MSI2: variants seen among roughly 807,000 people sequenced by gnomAD.
The protein encoded by MSI2 is musashi RNA binding protein 2, also known as RNA-binding protein Musashi homolog 2.
A neutral mutation model predicts 45.6 loss-of-function variants in MSI2; 17 were observed. The observed-to-expected ratio is 0.37, with a 90% CI of 0.26 to 0.56. MSI2 has a LOEUF of 0.56. Among genes scored for constraint, MSI2 ranks in the 20% least tolerant of loss-of-function variants. The pLI is 0.77. For missense variants in MSI2, 293 were observed against 444.2 expected, an observed-to-expected ratio of 0.66 and a Z score of 3.06; for synonymous variants, 156 against 158.2, an observed-to-expected ratio of 0.99 and a Z score of 0.11.
At chr17:57,392,353 G>A (rs1324484825) in intron 5 of MSI2, among the ~76,000 whole-genome samples, 1 of 152,178 alleles carries the variant, frequency 6.6e-6, no homozygotes, top group Non-Finnish European at 1.5e-5. Flanking sequence ...CTGAGATGAG[G>A]GTGGGGAGCT....
chr17:57,593,786 G>A (rs751353920), intron 7 of MSI2, among the ~76,000 whole-genome samples: 10 of 152,172 alleles, frequency 6.6e-5, no homozygotes, highest in African/African-American at 2.2e-4. Context: ...GTGCCTGGGC[G>A]TGGGGGCTGG....
In MSI2 at chr17:57,423,347, G is replaced by A. The variant is rs577908288; in HGVS notation, c.405+21876G>A. Among the ~76,000 whole-genome samples the A allele has an allele frequency of 9.4e-4, 143 of 152,318 alleles. 1 individual carries two copies. Among genetic ancestry groups the A allele is most frequent in the African/African-American group, 3.3e-3 (136 of 41,558 alleles). On this transcript the variant is annotated intron_variant, in intron 6 of 13. Transcript: ENST00000284073. ...CCACACACAGTAATAGAAGAAGCCC[G>A]ACAGAAATGTAAAGACCTGCTAATT...
intron 11 of MSI2, among the ~76,000 whole-genome samples, chr17:57,674,467 C>G (rs1008972289): frequency 6.6e-6 from 1 of 151,838 alleles, no homozygotes; most frequent in Non-Finnish European, 1.5e-5. Flanking sequence ...TGTTTCCTGT[C>G]ACGTTTTAAT....
At chr17:57,673,984 T>A (rs926113233) in intron 11 of MSI2, among the ~76,000 whole-genome samples, 11 of 151,408 alleles carry the variant, frequency 7.3e-5, no homozygotes, top group African/African-American at 2.7e-4. Flanking sequence ...AAAGTTTAAA[T>A]CCCCCCTTTC....
chr17:57,588,509 C>T (rs1904524668), intron 7 of MSI2, among the ~76,000 whole-genome samples: 1 of 152,230 alleles, frequency 6.6e-6, no homozygotes, highest in Non-Finnish European at 1.5e-5. Context: ...CTGCTGTGCT[C>T]ATCCTGGTTA....
intron 5 of MSI2, among the ~76,000 whole-genome samples, chr17:57,390,845 G>C (rs4794727): frequency 0.99 from 150,197 of 152,296 alleles, 74,096 homozygotes; most frequent in Middle Eastern, 1. Context: ...CTTAAGTTGT[G>C]GTGTATCCGA....
chr17:57,291,260 A>ATATGTTTCTTTTTCTTTCC (rs1910394965), intron 5 of MSI2, among the ~76,000 whole-genome samples: 1 of 152,182 alleles, frequency 6.6e-6, no homozygotes, highest in South Asian at 2.1e-4. Flanking sequence ...AGATTCGCTT[A>ATATGTTTCTTTTTCTTTCC]TATGTTTCTT....
At chr17:57,633,543 CTG>C (rs1447488019) in intron 10 of MSI2, among the ~76,000 whole-genome samples, 1 of 152,230 alleles carries the variant, frequency 6.6e-6, no homozygotes, top group African/African-American at 2.4e-5. Flanking sequence ...GCCCACGGGC[CTG>C]TGTGTGGTTG....
chr17:57,433,210 G>C (rs2084630590), intron 6 of MSI2, among the ~76,000 whole-genome samples: 1 of 152,226 alleles, frequency 6.6e-6, no homozygotes, highest in Admixed American at 6.5e-5. Flanking sequence ...GGTGTACTGG[G>C]TTGAATGGTG....
rs1283820553 is a variant in MSI2, at chr17:57,596,436, A to G, written c.455-432A>G. Among the ~76,000 whole-genome samples, 1 of 152,236 alleles carries G rather than the reference A, an allele frequency of 6.6e-6. No homozygotes were observed. The highest frequency in any genetic ancestry group is 6.5e-5 in the Admixed American group (1 of 15,290). ...GGAAGTAATTCAGGAAGAAAAGGACAAATAACCACCTCCGTCTGGAGGCCG... is the reference window on the plus strand; with the variant it reads ...GGAAGTAATTCAGGAAGAAAAGGACGAATAACCACCTCCGTCTGGAGGCCG... On this transcript the variant is annotated intron_variant, in intron 7 of 13. Coordinates refer to ENST00000284073, the MANE Select transcript of MSI2 (RefSeq NM_138962.4). This position sits in a 1 kb window ranked among gnomAD's most constrained non-coding sequence, Gnocchi z 4.6.
At chr17:57,606,897 G>A (rs147831799) in intron 8 of MSI2, among the ~76,000 whole-genome samples, 18 of 150,776 alleles carry the variant, frequency 1.2e-4, no homozygotes, top group Admixed American at 7.3e-4. Context: ...TGGGGTGATG[G>A]GGGGGGGTGG....
chr17:57,519,003 G>A (rs2086528479), intron 6 of MSI2, among the ~76,000 whole-genome samples: 1 of 152,108 alleles, frequency 6.6e-6, no homozygotes, highest in Admixed American at 6.5e-5. Context: ...CCCAGTGACA[G>A]CCTGCTGCCC....
Position 57,283,779 on chromosome 17 carries a change from C to T in MSI2, c.312+21587C>T, listed in dbSNP as rs368323444. Among the ~76,000 whole-genome samples the T allele has an allele frequency of 5.3e-5, 8 of 152,334 alleles. No homozygotes were observed. In the East Asian group the frequency reaches 5.8e-4, roughly 11 times the overall value. On this transcript the variant is annotated intron_variant, in intron 5 of 13. Transcript: ENST00000284073. ...GTTAAAGGAGGCAGAAGACCACACG[C>T]GCACGCGCACTCCCGGAAGCGTGGT...
chr17:57,286,059 TG>T (rs1355357213), intron 5 of MSI2: 14 of 1,287,316 alleles, frequency 1.1e-5, no homozygotes, highest in Non-Finnish European at 1.5e-5. Flanking sequence ...AGCCTCTTTC[TG>T]TCTTTCCCTC....
chr17:57,555,683 C>G (rs1212458844), intron 7 of MSI2, among the ~76,000 whole-genome samples: 1 of 152,178 alleles, frequency 6.6e-6, no homozygotes, highest in African/African-American at 2.4e-5. Flanking sequence ...TGCAGGAGAC[C>G]ATATTCTGTT....
intron 7 of MSI2, among the ~76,000 whole-genome samples, chr17:57,577,044 C>G (rs1214878923): frequency 1.3e-5 from 2 of 152,032 alleles, no homozygotes. Context: ...CAGAGGAGGT[C>G]GTCTGATGGG....
intron 6 of MSI2, among the ~76,000 whole-genome samples, chr17:57,421,852 A>C (rs931520592): frequency 3.4e-4 from 51 of 151,978 alleles, no homozygotes; most frequent in African/African-American, 1.2e-3. Flanking sequence ...GTGAGGCTTC[A>C]TCTCAAAACC....
At chr17:57,554,736 G>A (rs970340811) in intron 7 of MSI2, among the ~76,000 whole-genome samples, 1 of 152,206 alleles carries the variant, frequency 6.6e-6, no homozygotes, top group Non-Finnish European at 1.5e-5. Flanking sequence ...TTTTTCTGAT[G>A]AAGAAACAGA....
chr17:57,286,787 A>G (rs988272906), intron 5 of MSI2, among the ~76,000 whole-genome samples: 2 of 151,904 alleles, frequency 1.3e-5, no homozygotes, highest in East Asian at 1.9e-4. Flanking sequence ...TCCCCCGCTT[A>G]TTATTATTTA....
Sources: allele counts gnomAD v4.1 joint callset (sites outside exome capture counted in the v4.1 genomes callset), GRCh38; gene constraint gnomAD v4.1.1; non-coding constraint Gnocchi (gnomAD v3.1); transcripts MANE v1.5; gene names NCBI Gene and HGNC (gene_info 2026-07-23, HGNC 2026-07-21).